The following TMEM132B variants were observed in gnomAD, a reference collection of about 807,000 sequenced individuals.
TMEM132B encodes the protein transmembrane protein 132B.
A neutral mutation model predicts 90.8 loss-of-function variants in TMEM132B; 18 were observed. The observed-to-expected ratio is 0.20, with a 90% CI of 0.14 to 0.29. The LOEUF (loss-of-function observed/expected upper bound fraction) is 0.29, where lower values mean the gene tolerates loss of function less well. TMEM132B is among the 10% of genes least tolerant of loss of function. TMEM132B has a pLI of 1.00. For synonymous variants in TMEM132B, 504 were observed against 523.3 expected (o/e 0.96, Z 0.50); for missense variants, 1,096 against 1,326.8 (o/e 0.83, Z 2.70).
At chr12:125,631,522 A>G (rs1340680135) in intron 5 of TMEM132B, among the ~76,000 whole-genome samples, 2 of 152,092 alleles carry the variant, frequency 1.3e-5, no homozygotes, top group Non-Finnish European at 2.9e-5. Context: ...TATAGTGCAG[A>G]TTAAGTCCAC....
chr12:125,352,940 G>T (rs1467303489), intron 2 of TMEM132B, among the ~76,000 whole-genome samples: 1 of 152,348 alleles, frequency 6.6e-6, no homozygotes, highest in Middle Eastern at 3.4e-3. Context: ...AAAACTTGGT[G>T]TGGACTGAGC....
rs1957763992 is a variant in TMEM132B, at chr12:125,186,996, T to G, written c.67+130T>G. ...GACTTGGACAGACCTGGGGAGACCC[T>G]GGGAACCCAGGAGCCCCCGGCGCGT... On this transcript the variant is annotated intron_variant, in intron 1 of 8. Transcript: ENST00000682704. This position sits in a 1 kb window ranked among gnomAD's most constrained non-coding sequence, Gnocchi z 6.3. The G allele has an allele frequency of 6.6e-6, 1 of 152,242 alleles. No individual in the cohort carries two copies. The highest frequency in any genetic ancestry group is 1.5e-5 in the Non-Finnish European group (1 of 68,092). The allele number at this position is 152,242 out of a possible 1,614,324, so 9.4% of individuals were successfully genotyped here.
intron 3 of TMEM132B, among the ~76,000 whole-genome samples, chr12:125,487,932 A>G (rs1373449169): frequency 6.6e-6 from 1 of 152,076 alleles, no homozygotes; most frequent in Non-Finnish European, 1.5e-5. Flanking sequence ...ATCCTGTATT[A>G]TGATTAAATG....
intron 2 of TMEM132B, among the ~76,000 whole-genome samples, chr12:125,370,346 T>C (rs184505224): frequency 6.6e-6 from 1 of 152,348 alleles, no homozygotes; most frequent in African/African-American, 2.4e-5. Flanking sequence ...TCATCACATC[T>C]ATATTTCACT....
At chr12:125,580,131 A>G (rs1885019093) in intron 4 of TMEM132B, among the ~76,000 whole-genome samples, 1 of 152,194 alleles carries the variant, frequency 6.6e-6, no homozygotes, top group African/African-American at 2.4e-5. Context: ...GTGAAAGCTT[A>G]GGTCTATTCT....
At chr12:125,504,061 T>C (rs1263908998) in intron 3 of TMEM132B, among the ~76,000 whole-genome samples, 1 of 152,216 alleles carries the variant, frequency 6.6e-6, no homozygotes, top group Non-Finnish European at 1.5e-5. Context: ...GGGTATTAAT[T>C]AATTGGTGAC....
chr12:125,260,816 C>T (rs897470555), intron 1 of TMEM132B, among the ~76,000 whole-genome samples: 4 of 152,014 alleles, frequency 2.6e-5, no homozygotes, highest in South Asian at 2.1e-4. Context: ...TTTAGGAGGG[C>T]GACGTTGGAA....
chr12:125,298,343 A>T lies in TMEM132B; in HGVS notation c.68-51109A>T, dbSNP rs1309899800. ...TCCCACCCACCCAGCAGCTACTGCC[A>T]GTTTCTCTACTCCATTTTGTAGGAA... On this transcript the variant is annotated intron_variant, in intron 1 of 8. Transcript: ENST00000682704. Among the ~76,000 whole-genome samples the T allele has an allele frequency of 2.9e-5, 3 of 102,236 alleles. No homozygotes were observed. In the East Asian group the frequency reaches 1.0e-3, roughly 34 times the overall value. 67.1% of individuals were successfully genotyped at this position (102,236 alleles called of 152,430 possible). A position where few individuals can be genotyped will look rare whatever the true frequency, so the allele number is the denominator to read the frequency against.
intron 1 of TMEM132B, among the ~76,000 whole-genome samples, chr12:125,239,867 G>T (rs1253667619): frequency 3.3e-5 from 5 of 152,226 alleles, no homozygotes; most frequent in African/African-American, 9.6e-5. Context: ...GTGGGATGCC[G>T]CAGGCATTGG....
intron 2 of TMEM132B, among the ~76,000 whole-genome samples, chr12:125,379,854 C>A (rs1227538576): frequency 6.6e-6 from 1 of 152,154 alleles, no homozygotes; most frequent in African/African-American, 2.4e-5. Context: ...CAAGTGCTGC[C>A]ACTACAGGTA....
chr12:125,405,493 T>C (rs1879444090), intron 2 of TMEM132B, among the ~76,000 whole-genome samples: 1 of 152,228 alleles, frequency 6.6e-6, no homozygotes, highest in African/African-American at 2.4e-5. Flanking sequence ...CAACCCCTTA[T>C]AGACACTTAT....
intron 3 of TMEM132B, among the ~76,000 whole-genome samples, chr12:125,505,778 C>T (rs370344131): frequency 6.6e-6 from 1 of 151,534 alleles, no homozygotes; most frequent in South Asian, 2.1e-4. Context: ...AACTTTAAGA[C>T]AGACCAATGG....
intron 1 of TMEM132B, among the ~76,000 whole-genome samples, chr12:125,192,678 C>A (rs1042871804): frequency 1.3e-5 from 2 of 152,300 alleles, no homozygotes; most frequent in Admixed American, 1.3e-4. Flanking sequence ...CCTCCTCATT[C>A]GGGAGCCCCG....
chr12:125,366,989 T>C (rs1878154070), intron 2 of TMEM132B, among the ~76,000 whole-genome samples: 1 of 152,226 alleles, frequency 6.6e-6, no homozygotes, highest in African/African-American at 2.4e-5. Context: ...GCTATTGTAG[T>C]TTTCGATCTA....
intron 1 of TMEM132B, among the ~76,000 whole-genome samples, chr12:125,217,861 A>G (rs1487603037): frequency 6.6e-6 from 1 of 152,238 alleles, no homozygotes; most frequent in East Asian, 1.9e-4. Flanking sequence ...ACACAGATAA[A>G]TTTCCACGTG....
chr12:125,627,329 G>C (rs773050461), intron 5 of TMEM132B, among the ~76,000 whole-genome samples: 3 of 151,840 alleles, frequency 2.0e-5, no homozygotes, highest in Non-Finnish European at 2.9e-5. Context: ...CTGGGGGTGT[G>C]TTTTGTCTTG....
intron 1 of TMEM132B, among the ~76,000 whole-genome samples, chr12:125,310,715 A>G (rs1876102782): frequency 1.3e-5 from 2 of 152,102 alleles, no homozygotes; most frequent in African/African-American, 4.8e-5. Flanking sequence ...ACGCAGAGAA[A>G]CACTTTGACC....
At chr12:125,471,356 A>G (rs1363632455) in intron 3 of TMEM132B, among the ~76,000 whole-genome samples, 1 of 152,202 alleles carries the variant, frequency 6.6e-6, no homozygotes, top group East Asian at 1.9e-4. Flanking sequence ...TTGGCCTTTC[A>G]CAGAGGTAAT....
At chr12:125,428,989 G>T (rs929425464) in intron 3 of TMEM132B, among the ~76,000 whole-genome samples, 1 of 152,074 alleles carries the variant, frequency 6.6e-6, no homozygotes, top group Non-Finnish European at 1.5e-5. Context: ...AATAATAATA[G>T]ACTTTATTTT....
Sources: gnomAD v4.1 joint callset for allele counts (sites outside exome capture counted in the v4.1 genomes callset) on GRCh38, gnomAD v4.1.1 for gene constraint, Gnocchi (gnomAD v3.1) non-coding constraint, MANE v1.5 for transcripts, NCBI Gene and HGNC (gene_info 2026-07-23, HGNC 2026-07-21) for gene names.